Variants in ADAMTSL1 observed in about 807,000 individuals in gnomAD.
The protein encoded by ADAMTSL1 is ADAMTS like 1.
Under a neutral mutation model 201.8 loss-of-function variants are expected in ADAMTSL1, and 126 were observed. The observed-to-expected ratio is 0.62, with a 90% CI of 0.54 to 0.72. The LOEUF is 0.72. Among genes scored for constraint, ADAMTSL1 ranks in the 30% least tolerant of loss-of-function variants. The pLI, the probability that ADAMTSL1 is intolerant of heterozygous loss-of-function variation, is 0.00. For missense variants in ADAMTSL1, 2,679 were observed against 2,277.8 expected (o/e 1.18, Z -3.59); for synonymous variants, 1,121 against 903.4 (o/e 1.24, Z -4.32).
At chr9:18,462,493 AT>A (rs1385724029) in intron 2 of ADAMTSL1, among the ~76,000 whole-genome samples, 19 of 152,178 alleles carry the variant, frequency 1.2e-4, no homozygotes, top group Admixed American at 3.9e-4. Context: ...TACAAATAAA[AT>A]TTTTTATATA....
intron 2 of ADAMTSL1, among the ~76,000 whole-genome samples, chr9:18,526,844 C>T (rs756756432): frequency 3.3e-5 from 5 of 152,100 alleles, no homozygotes; most frequent in Non-Finnish European, 1.5e-5. Flanking sequence ...GTTGCAAATC[C>T]GCTTATCTTG....
At chr9:18,117,149 T>G (rs2776660) in intron 1 of ADAMTSL1, among the ~76,000 whole-genome samples, 2 of 152,174 alleles carry the variant, frequency 1.3e-5, no homozygotes, top group Non-Finnish European at 2.9e-5. Flanking sequence ...TCTTCTCCTA[T>G]TTGAATTGCT....
In ADAMTSL1 at chr9:18,778,586, C is replaced by T. The variant is rs568901144; in HGVS notation, c.3677+680C>T. Among the ~76,000 whole-genome samples the T allele has an allele frequency of 3.9e-5, 6 of 152,276 alleles. No individual in the cohort carries two copies. The South Asian group carries it at 1.0e-3, about 26-fold the overall frequency. On this transcript the variant is annotated intron_variant, in intron 19 of 28. Transcript: ENST00000380548. ...GTAGAATTAATAATATTTTTTACCG[C>T]TACCTGTGCCTTACTTTGTACATAT...
chr9:18,559,602 A>T (rs1165313538), intron 3 of ADAMTSL1, among the ~76,000 whole-genome samples: 2 of 152,262 alleles, frequency 1.3e-5, no homozygotes, highest in East Asian at 3.9e-4. Flanking sequence ...TTTGGGCATG[A>T]TGGCCATTTT....
chr9:18,690,021 T>C (rs1831117531), intron 13 of ADAMTSL1, among the ~76,000 whole-genome samples: 1 of 152,100 alleles, frequency 6.6e-6, no homozygotes, highest in African/African-American at 2.4e-5. Context: ...GGAAGAAAAG[T>C]AAGTAAGCAG....
chr9:18,086,746 T>G lies in ADAMTSL1; in HGVS notation c.88-77116T>G, dbSNP rs1823788180. 2.0e-5 allele frequency among the ~76,000 whole-genome samples: 3 copies of G among 152,210 alleles called. No individual in the cohort carries two copies. The South Asian group carries it at 6.2e-4, about 32-fold the overall frequency. Reference sequence around the variant, plus strand: ...TACAACAAGGATGGTTATAATTGACTAAAATGATGCTTATGACAATTTCTG... The same window carrying G: ...TACAACAAGGATGGTTATAATTGACGAAAATGATGCTTATGACAATTTCTG... On this transcript the variant is annotated intron_variant, in intron 1 of 29. Coordinates refer to the ADAMTSL1 transcript ENST00000680146.
chr9:18,299,018 A>AT lies in ADAMTSL1; in HGVS notation c.207+135037_207+135038insT, dbSNP rs941425131. On this transcript the variant is annotated intron_variant, in intron 2 of 29. Transcript: ENST00000680146. ...CAGAGCCAGACTCCGTCTCAAAAAA[A>AT]AAAAATAATAATAATAATAATAATA... Among the ~76,000 whole-genome samples, 120 of 150,072 alleles carry AT rather than the reference A, an allele frequency of 8.0e-4. 2 individuals carry two copies. Among genetic ancestry groups the AT allele is most frequent in the African/African-American group, 2.4e-3 (99 of 40,750 alleles).
chr9:18,258,260 A>T (rs1438182005), intron 2 of ADAMTSL1, among the ~76,000 whole-genome samples: 1 of 152,240 alleles, frequency 6.6e-6, no homozygotes. Context: ...TTCCTTTCTC[A>T]AACAAGATGC....
chr9:18,390,902 G>T (rs2133221470), intron 2 of ADAMTSL1, among the ~76,000 whole-genome samples: 1 of 152,290 alleles, frequency 6.6e-6, no homozygotes, highest in Non-Finnish European at 1.5e-5. Flanking sequence ...AGCCCTCCAA[G>T]ATAAACATGG....
chr9:18,751,108 A>C (rs1819445306), intron 15 of ADAMTSL1, among the ~76,000 whole-genome samples: 1 of 152,258 alleles, frequency 6.6e-6, no homozygotes, highest in Non-Finnish European at 1.5e-5. Context: ...CACCTTTGGA[A>C]GGAAGGCATG....
At chr9:18,820,489 A>G (rs1220727943) in intron 21 of ADAMTSL1, among the ~76,000 whole-genome samples, 8 of 152,194 alleles carry the variant, frequency 5.3e-5, no homozygotes. Flanking sequence ...CACAGCTGAC[A>G]TTTTATTAAT....
chr9:18,594,085 T>G (rs113083586), intron 4 of ADAMTSL1, among the ~76,000 whole-genome samples: 1 of 152,064 alleles, frequency 6.6e-6, no homozygotes, highest in African/African-American at 2.4e-5. Context: ...ATTTTTAGTC[T>G]GGAAAAGTCT....
intron 1 of ADAMTSL1, among the ~76,000 whole-genome samples, chr9:18,080,214 A>G (rs1175142779): frequency 2.6e-5 from 4 of 152,202 alleles, no homozygotes; most frequent in African/African-American, 9.6e-5. Context: ...TCCTCAGTGA[A>G]CAAAGAGTAG....
chr9:18,301,797 T>C (rs1200714735), intron 2 of ADAMTSL1, among the ~76,000 whole-genome samples: 3 of 152,218 alleles, frequency 2.0e-5, no homozygotes, highest in African/African-American at 4.8e-5. Flanking sequence ...GTAGTGACAA[T>C]GACGGAAAGC....
chr9:18,261,375 A>AT (rs565047409), intron 2 of ADAMTSL1, among the ~76,000 whole-genome samples: 65 of 152,290 alleles, frequency 4.3e-4, no homozygotes, highest in African/African-American at 1.5e-3. Flanking sequence ...GCAATCTAAC[A>AT]CAGATAAATA....
At chr9:17,975,420 A>G (rs1434910823) in intron 1 of ADAMTSL1, among the ~76,000 whole-genome samples, 1 of 152,036 alleles carries the variant, frequency 6.6e-6, no homozygotes, top group Admixed American at 6.6e-5. Context: ...TGATTCATAA[A>G]TGTCATCTTC....
chr9:18,417,717 G>GT (rs1818747979), intron 2 of ADAMTSL1, among the ~76,000 whole-genome samples: 1 of 152,084 alleles, frequency 6.6e-6, no homozygotes, highest in Non-Finnish European at 1.5e-5. Flanking sequence ...TATTTTAAAA[G>GT]TTGAATTTGT....
chr9:17,910,499 C>T lies in ADAMTSL1; in HGVS notation c.87+3577C>T, dbSNP rs188926682. 2.9e-5 allele frequency among the ~76,000 whole-genome samples: 2 copies of T among 68,684 alleles called. 1 individual carries two copies. The highest frequency in any genetic ancestry group is 8.9e-5 in the Non-Finnish European group (2 of 22,434). The allele number at this position is 68,684 out of a possible 152,430, so 45.1% of individuals were successfully genotyped here. A position where few individuals can be genotyped will look rare whatever the true frequency, so the allele number is the denominator to read the frequency against. On this transcript the variant is annotated intron_variant, in intron 1 of 29. Transcript: ENST00000680146. The stretch of plus-strand genomic sequence containing the variant: ...TGTTCTTTCCTGTGCCACTTCTTAA[C>T]CATTTCTTCTGGATAAGGATGATGA...
At chr9:18,753,657 A>T in intron 16 of ADAMTSL1, 149 bp downstream of exon 16, 1 of 877,230 alleles carries the variant, frequency 1.1e-6, no homozygotes, top group South Asian at 1.5e-5. Flanking sequence ...CCCTAACCTG[A>T]TTTACATCCA....
Sources: gnomAD v4.1 joint callset for allele counts (sites outside exome capture counted in the v4.1 genomes callset) on GRCh38, gnomAD v4.1.1 for gene constraint, MANE v1.5 for transcripts, NCBI Gene and HGNC (gene_info 2026-07-23, HGNC 2026-07-21) for gene names.